The following WIPF2 variants were observed in gnomAD, a reference collection of about 807,000 sequenced individuals.
The protein encoded by WIPF2 is WAS/WASL interacting protein family member 2, also known as WAS/WASL-interacting protein family member 2.
A neutral mutation model predicts 38.8 loss-of-function variants in WIPF2; 23 were observed. The ratio of observed to expected loss-of-function variants is 0.59; its 90% CI spans 0.43 to 0.84. The LOEUF is 0.84. WIPF2 is among the 40% of genes least tolerant of loss of function. WIPF2 has a pLI of 0.00. For synonymous variants in WIPF2, 210 were observed against 223.2 expected, an observed-to-expected ratio of 0.94 and a Z score of 0.53; for missense variants, 574 against 580.5, an observed-to-expected ratio of 0.99 and a Z score of 0.11.
intron 3 of WIPF2, among the ~76,000 whole-genome samples, chr17:40,262,291 T>C (rs1176251709): frequency 2.0e-5 from 3 of 151,936 alleles, no homozygotes; most frequent in African/African-American, 7.3e-5. Flanking sequence ...CTATATTGCC[T>C]AGGCTGCTCT....
chr17:40,266,613 C>T (rs2032095745), intron 5 of WIPF2, among the ~76,000 whole-genome samples: 1 of 151,994 alleles, frequency 6.6e-6, no homozygotes, highest in Non-Finnish European at 1.5e-5. Flanking sequence ...CTGTAAAGTC[C>T]AGGAGAGAGG....
chr17:40,230,763 A>G (rs2030706708), intron 1 of WIPF2, among the ~76,000 whole-genome samples: 1 of 152,122 alleles, frequency 6.6e-6, no homozygotes. Context: ...AAACTTATTT[A>G]CTGTTAGGGA....
intron 1 of WIPF2, among the ~76,000 whole-genome samples, chr17:40,254,019 ATT>A (rs200675837): frequency 2.8e-5 from 4 of 141,606 alleles, no homozygotes; most frequent in Admixed American, 7.1e-5. Context: ...TGCTGGTTTG[ATT>A]TTTTTTTTTT....
intron 1 of WIPF2, among the ~76,000 whole-genome samples, chr17:40,239,691 CTT>C (rs748169841): frequency 1.9e-5 from 2 of 107,152 alleles, no homozygotes; most frequent in Admixed American, 1.0e-4. Context: ...TTCAGCTTTT[CTT>C]TTTTTTTTTT....
intron 6 of WIPF2, among the ~76,000 whole-genome samples, chr17:40,275,293 A>G (rs1481054491): frequency 6.6e-6 from 1 of 151,908 alleles, no homozygotes; most frequent in Admixed American, 6.6e-5. Flanking sequence ...CATTAATCCA[A>G]AGCCACTAAC....
In WIPF2 at chr17:40,264,765, A is replaced by T. The variant is rs199892821; in HGVS notation, c.589A>T (p.Ser197Cys). 43 of 1,583,864 alleles carry T rather than the reference A, an allele frequency of 2.7e-5. No individual in the cohort carries two copies. Among genetic ancestry groups the T allele is most frequent in the Middle Eastern group, 3.3e-4 (2 of 5,974 alleles). ...ACCCCCCACACCTCTGCCTATGCAC[A>T]GCAGCAAAGCCCCCGCCTACAACAG... Reference protein sequence around the residue: ...NAPPTPLPMHSSKAPAYNREK... With the variant: ...NAPPTPLPMHCSKAPAYNREK... The change falls in exon 5 of 8, where the codon AGC (serine) becomes TGC (cysteine). Residue 197 changes from serine (S) to cysteine (C), a missense_variant. Physicochemically the swap from Ser to Cys is moderately radical, Grantham distance 112. Coordinates refer to ENST00000323571, the MANE Select transcript of WIPF2 (RefSeq NM_133264.5).
chr17:40,237,225 T>TC (rs766364424), intron 1 of WIPF2, among the ~76,000 whole-genome samples: 168 of 151,432 alleles, frequency 1.1e-3, no homozygotes, highest in South Asian at 5.0e-3. Context: ...AATTTTTTTT[T>TC]CCTATTCAAT....
At chr17:40,222,286 T>C (rs2030267836) in intron 1 of WIPF2, among the ~76,000 whole-genome samples, 1 of 151,732 alleles carries the variant, frequency 6.6e-6, no homozygotes, top group African/African-American at 2.4e-5. Context: ...ACTCCTGACC[T>C]CGTGATCTGC....
chr17:40,247,579 T>A, intron 1 of WIPF2, among the ~76,000 whole-genome samples: 1 of 151,678 alleles, frequency 6.6e-6, no homozygotes, highest in Non-Finnish European at 1.5e-5. Context: ...TGGAGTGCAG[T>A]GGTGCAATCT....
intron 1 of WIPF2, among the ~76,000 whole-genome samples, chr17:40,250,711 A>G (rs1417467777): frequency 6.6e-6 from 1 of 152,026 alleles, no homozygotes; most frequent in Non-Finnish European, 1.5e-5. Context: ...GGAAATACTT[A>G]AAATTCTGTA....
At chr17:40,227,385 A>G (rs960391609) in intron 1 of WIPF2, among the ~76,000 whole-genome samples, 1 of 152,140 alleles carries the variant, frequency 6.6e-6, no homozygotes, top group African/African-American at 2.4e-5. Context: ...AAAAGATAAA[A>G]AAGTATATAA....
intron 1 of WIPF2, among the ~76,000 whole-genome samples, chr17:40,237,726 A>C (rs1598473095): frequency 6.7e-6 from 1 of 148,354 alleles, no homozygotes; most frequent in East Asian, 2.0e-4. Context: ...GCTCACTGCA[A>C]CCTCGGCCTC....
intron 3 of WIPF2, among the ~76,000 whole-genome samples, chr17:40,261,653 C>T (rs542877347): frequency 6.6e-6 from 1 of 150,458 alleles, no homozygotes; most frequent in South Asian, 2.1e-4. Flanking sequence ...GGAAGATCGG[C>T]CACTTGTTGT....
intron 1 of WIPF2, among the ~76,000 whole-genome samples, chr17:40,246,737 C>G (rs2031379431): frequency 6.6e-6 from 1 of 152,088 alleles, no homozygotes; most frequent in Admixed American, 6.6e-5. Context: ...TTCAATTCAG[C>G]AAGTGACTGC....
At chr17:40,257,131 A>G (rs1364844028) in intron 2 of WIPF2, among the ~76,000 whole-genome samples, 1 of 152,032 alleles carries the variant, frequency 6.6e-6, no homozygotes, top group Non-Finnish European at 1.5e-5. Flanking sequence ...GGCACGCGCC[A>G]CCACGCCTGG....
At chr17:40,239,058 A>ATTTATTTATTTAT (rs2031087279) in intron 1 of WIPF2, among the ~76,000 whole-genome samples, 1 of 146,468 alleles carries the variant, frequency 6.8e-6, no homozygotes, top group Non-Finnish European at 1.5e-5. Flanking sequence ...TTATTTATTT[A>ATTTATTTATTTAT]TTTATTTATT....
intron 3 of WIPF2, among the ~76,000 whole-genome samples, chr17:40,261,478 T>C (rs1350938539): frequency 2.7e-5 from 4 of 150,640 alleles, no homozygotes; most frequent in African/African-American, 9.8e-5. Flanking sequence ...TTTGTATTTT[T>C]AGTAGAGACG....
At position 40,284,100 on chromosome 17, in the gene WIPF2, T is replaced by C. The variant is rs2032609839; in HGVS notation, c.*5875T>C. The C allele has an allele frequency of 6.6e-6, 1 of 152,254 alleles. No homozygotes were observed. Among genetic ancestry groups the C allele is most frequent in the Admixed American group, 6.5e-5 (1 of 15,290 alleles). 9.4% of individuals were successfully genotyped at this position (152,254 alleles called of 1,614,324 possible). On this transcript the variant is annotated 3_prime_UTR_variant, in exon 8 of 8. Transcript: ENST00000323571. ...CCGATTATTTGACCCATCATTGTTA[T>C]TAATATGGTTAATAAACTACCTATT...
intron 1 of WIPF2, 44 bp from the exon 2 acceptor site, chr17:40,256,347 C>G (rs757409242): frequency 5.2e-5 from 78 of 1,500,916 alleles, no homozygotes; most frequent in Non-Finnish European, 6.7e-5. Context: ...GCACTTGTAT[C>G]TAATGGTAAA....
Sources: gnomAD v4.1 joint callset for allele counts (sites outside exome capture counted in the v4.1 genomes callset) on GRCh38, gnomAD v4.1.1 for gene constraint, MANE v1.5 for transcripts, NCBI Gene and HGNC (gene_info 2026-07-23, HGNC 2026-07-21) for gene names.